Variants in OR6N1 observed in about 807,000 individuals in gnomAD.
The protein encoded by OR6N1 is olfactory receptor family 6 subfamily N member 1, also known as olfactory receptor 6N1.
For missense variants in OR6N1, 394 were observed against 371.7 expected (o/e 1.06, Z -0.49); for synonymous variants, 170 against 150.7 (o/e 1.13, Z -0.94).
the OR6N1 span, among the ~76,000 whole-genome samples, chr1:158,790,474 G>A: frequency 6.8e-6 from 1 of 146,840 alleles, no homozygotes; most frequent in African/African-American, 2.6e-5. Context: ...GCGCAATCTC[G>A]GCTCACTGCA....
At chr1:158,798,138 CT>C in the OR6N1 span, among the ~76,000 whole-genome samples, 2 of 151,684 alleles carry the variant, frequency 1.3e-5, no homozygotes, top group Admixed American at 1.3e-4. Context: ...ATTTTTGCCC[CT>C]CTCTCTCCTT....
the OR6N1 span, among the ~76,000 whole-genome samples, chr1:158,779,900 A>C: frequency 6.6e-6 from 1 of 152,230 alleles, no homozygotes; most frequent in African/African-American, 2.4e-5. Flanking sequence ...TGTCTTCCCC[A>C]AAAATTGTTA....
chr1:158,774,872 T>C (rs1225978650), upstream of OR6N1: 4 of 152,198 alleles, frequency 2.6e-5, no homozygotes, highest in South Asian at 8.3e-4. Flanking sequence ...GGAAGACCGA[T>C]GCATTCTATA....
chr1:158,811,804 T>C, the OR6N1 span, among the ~76,000 whole-genome samples: 1 of 152,216 alleles, frequency 6.6e-6, no homozygotes, highest in African/African-American at 2.4e-5. Flanking sequence ...AGTCTCTTCA[T>C]ACCAACCTGA....
the OR6N1 span, among the ~76,000 whole-genome samples, chr1:158,792,108 A>T: frequency 6.6e-6 from 1 of 152,256 alleles, no homozygotes; most frequent in Non-Finnish European, 1.5e-5. Context: ...TAGGATTGTT[A>T]TATCTTCCTG....
At position 158,765,872 on chromosome 1, in the gene OR6N1, C is replaced by A; in HGVS notation, c.811G>T (p.Asp271Tyr). 6.2e-7 allele frequency: 1 copy of A among 1,614,072 alleles called. No homozygotes were observed. Among genetic ancestry groups the A allele is most frequent in the South Asian group, 1.1e-5 (1 of 91,042 alleles). The change falls in exon 2 of 2, where the codon GAC (aspartate) becomes TAC (tyrosine). Residue 271 changes from aspartate (D) to tyrosine (Y), a missense_variant. Asp to Tyr is a radical substitution (Grantham distance 160, BLOSUM62 -3). Transcript: ENST00000641846. ...QLKKSYSLDYDQALAVVYSVL... is the reference protein window; with the variant it reads ...QLKKSYSLDYYQALAVVYSVL... ...GAGTAGACCACTGCCAGGGCCTGGT[C>A]ATAGTCCAGTGAGTAGCTCTTCTTC...
At position 158,765,704 on chromosome 1, in the gene OR6N1, A is replaced by C; in HGVS notation, c.*40T>G. On this transcript the variant is annotated 3_prime_UTR_variant, in exon 2 of 2. Coordinates refer to ENST00000641846, the MANE Select transcript of OR6N1 (RefSeq NM_001005185.2). ...GCCACTGTTGATCCCTGGGGCCACC[A>C]TATCCTCAGGCCCGGCCTTGGCCTA... 6.6e-7 allele frequency: 1 copy of C among 1,520,838 alleles called. No individual in the cohort carries two copies. The highest frequency in any genetic ancestry group is 1.7e-4 in the Middle Eastern group (1 of 5,742). The allele number at this position is 1,520,838 out of a possible 1,614,324, so 94.2% of individuals were successfully genotyped here.
At chr1:158,789,077 C>G in the OR6N1 span, among the ~76,000 whole-genome samples, 4 of 152,156 alleles carry the variant, frequency 2.6e-5, no homozygotes, top group Non-Finnish European at 4.4e-5. Context: ...TTACCTCTCA[C>G]ATGTGAGTGA....
At chr1:158,821,637 A>G in the OR6N1 span, among the ~76,000 whole-genome samples, 2 of 152,196 alleles carry the variant, frequency 1.3e-5, no homozygotes, top group East Asian at 3.8e-4. Flanking sequence ...AGGGTTGAAT[A>G]GTATTCCACT....
the OR6N1 span, among the ~76,000 whole-genome samples, chr1:158,790,870 G>T: frequency 6.6e-6 from 1 of 152,070 alleles, no homozygotes; most frequent in Admixed American, 6.5e-5. Context: ...GACCAGATGG[G>T]GGTGATTGGA....
chr1:158,766,068 G>A lies in OR6N1; in HGVS notation c.615C>T (p.Cys205=), dbSNP rs1657250900. The A allele has an allele frequency of 6.2e-7, 1 of 1,614,192 alleles. No individual in the cohort carries two copies. The highest frequency in any genetic ancestry group is 1.3e-5 in the African/African-American group (1 of 75,054). The change falls in exon 2 of 2, where the codon TGC becomes TGT. Residue 205 remains cysteine (C), a synonymous_variant. Coordinates refer to ENST00000641846, the MANE Select transcript of OR6N1 (RefSeq NM_001005185.2). ...TCAGCAGGAAGGTGGCTAGGATCTT[G>A]CAGGAATTTATAACAAAATCTACTA... ...NVLVDFVINS[C]KILATFLLIL... is the part of the protein sequence containing the mutation.
chr1:158,776,811 A>G, upstream of OR6N1: 4 of 1,614,134 alleles, frequency 2.5e-6, no homozygotes, highest in Non-Finnish European at 3.4e-6. Flanking sequence ...AGTAAACTAT[A>G]GCAAGTGTTC....
the OR6N1 span, chr1:158,777,504 G>C: frequency 4.2e-5 from 68 of 1,614,018 alleles, no homozygotes; most frequent in Non-Finnish European, 2.0e-5. Context: ...CTGAGAAGAT[G>C]AGCATGTTAC....
At position 158,765,644 on chromosome 1, in the gene OR6N1, T is replaced by C. The variant is rs1657230905; in HGVS notation, c.*100A>G. On this transcript the variant is annotated 3_prime_UTR_variant, in exon 2 of 2. Coordinates refer to ENST00000641846, the MANE Select transcript of OR6N1 (RefSeq NM_001005185.2). The stretch of plus-strand genomic sequence containing the variant: ...CTTGCTGCAGCTCCACCACCCCACA[T>C]AGAAAAGCACTGAATTTTTAGTTTC... The C allele has an allele frequency of 7.1e-6, 7 of 983,116 alleles. No individual in the cohort carries two copies. Among genetic ancestry groups the C allele is most frequent in the Non-Finnish European group, 7.7e-6 (5 of 650,552 alleles). 60.9% of individuals were successfully genotyped at this position (983,116 alleles called of 1,614,324 possible). A position where few individuals can be genotyped will look rare whatever the true frequency, so the allele number is the denominator to read the frequency against.
the OR6N1 span, among the ~76,000 whole-genome samples, chr1:158,828,968 G>A: frequency 3.3e-5 from 5 of 152,354 alleles, no homozygotes; most frequent in East Asian, 1.9e-4. Context: ...AAGCCATGGT[G>A]CAAGCTCTAC....
At chr1:158,777,500 A>G in the OR6N1 span, 1 of 1,614,228 alleles carries the variant, frequency 6.2e-7, no homozygotes, top group South Asian at 1.1e-5. Context: ...ATGACTGAGA[A>G]GATGAGCATG....
chr1:158,799,030 A>G, the OR6N1 span, among the ~76,000 whole-genome samples: 1 of 152,202 alleles, frequency 6.6e-6, no homozygotes, highest in Non-Finnish European at 1.5e-5. Context: ...TTTAACTTGC[A>G]TGCATAACAT....
chr1:158,809,816 A>C, the OR6N1 span, among the ~76,000 whole-genome samples: 1 of 152,126 alleles, frequency 6.6e-6, no homozygotes, highest in Non-Finnish European at 1.5e-5. Flanking sequence ...TGGAATATAA[A>C]AGAAATGCAG....
At chr1:158,816,421 G>A in the OR6N1 span, among the ~76,000 whole-genome samples, 1 of 152,138 alleles carries the variant, frequency 6.6e-6, no homozygotes, top group Non-Finnish European at 1.5e-5. Context: ...GCTGGGAGCA[G>A]TGACTTACAC....
Sources: allele counts gnomAD v4.1 joint callset (sites outside exome capture counted in the v4.1 genomes callset), GRCh38; gene constraint gnomAD v4.1.1; transcripts MANE v1.5; gene names NCBI Gene and HGNC (gene_info 2026-07-23, HGNC 2026-07-21).